RANBP17: variants seen among roughly 807,000 people sequenced by gnomAD.
The protein encoded by RANBP17 is ran-binding protein 17.
Under a neutral mutation model 141.2 loss-of-function variants are expected in RANBP17, and 158 were observed. The ratio of observed to expected loss-of-function variants is 1.12; its 90% CI spans 0.98 to 1.28. The LOEUF (loss-of-function observed/expected upper bound fraction) is 1.28. Ranked by LOEUF, RANBP17 falls within the 50% of genes most tolerant of loss-of-function variation. RANBP17 has a pLI of 0.00. For synonymous variants in RANBP17, 430 were observed against 450.0 expected (o/e 0.96, Z 0.56); for missense variants, 1,438 against 1,290.7 (o/e 1.11, Z -1.75).
At chr5:170,985,136 GACACACACAAATGCACACACAGACACAC>G (rs1561958456) in intron 14 of RANBP17, among the ~76,000 whole-genome samples, 2 of 149,768 alleles carry the variant, frequency 1.3e-5, no homozygotes, top group African/African-American at 4.9e-5. Flanking sequence ...CACAAACACA[GACACACACAAATGCACACACAGACACAC>G]ACACACACAT....
At chr5:170,876,696 G>C (rs1242089438) in intron 1 of RANBP17, among the ~76,000 whole-genome samples, 1 of 152,014 alleles carries the variant, frequency 6.6e-6, no homozygotes, top group Non-Finnish European at 1.5e-5. Context: ...GAGAGGAAGA[G>C]AGAAGTAAAA....
At chr5:171,292,693 A>G (rs1221068277) in intron 25 of RANBP17, among the ~76,000 whole-genome samples, 3 of 152,212 alleles carry the variant, frequency 2.0e-5, no homozygotes, top group Non-Finnish European at 4.4e-5. Context: ...AAAGAGTCCA[A>G]GAAGCAGAAA....
At chr5:171,027,934 A>G (rs893330382) in intron 14 of RANBP17, among the ~76,000 whole-genome samples, 1 of 152,026 alleles carries the variant, frequency 6.6e-6, no homozygotes, top group Non-Finnish European at 1.5e-5. Flanking sequence ...TACTTTATTA[A>G]AGTATCATCT....
chr5:171,284,029 A>G (rs924036824), intron 25 of RANBP17, among the ~76,000 whole-genome samples: 2 of 152,186 alleles, frequency 1.3e-5, no homozygotes, highest in South Asian at 2.1e-4. Flanking sequence ...TAATTGGGAA[A>G]TGTTTGGTGA....
Position 171,264,800 on chromosome 5 carries a change from G to T in RANBP17, c.2777-881G>T, listed in dbSNP as rs148207654. ...TAGGACTTGAAACCAGAACTGTCTGGCTCCAAAATCCATATCTTTCCCACC... is the reference window on the plus strand; with the variant it reads ...TAGGACTTGAAACCAGAACTGTCTGTCTCCAAAATCCATATCTTTCCCACC... On this transcript the variant is annotated intron_variant, in intron 24 of 27. Coordinates refer to ENST00000523189, the MANE Select transcript of RANBP17 (RefSeq NM_022897.5). Among the ~76,000 whole-genome samples, 15 of 152,272 alleles carry T rather than the reference G, an allele frequency of 9.9e-5. No individual in the cohort carries two copies. The East Asian group carries it at 2.5e-3, about 25-fold the overall frequency.
At chr5:171,186,521 ATTTTCTTTTTTTTT>A (rs1331671328) in intron 18 of RANBP17, among the ~76,000 whole-genome samples, 3 of 29,512 alleles carry the variant, frequency 1.0e-4, no homozygotes, top group Non-Finnish European at 2.3e-4. Flanking sequence ...CACTGGTATG[ATTTTCTTTTTTTTT>A]TTTTTTTTTT....
intron 14 of RANBP17, among the ~76,000 whole-genome samples, chr5:170,985,038 C>T (rs1450346858): frequency 1.2e-5 from 1 of 85,940 alleles, no homozygotes; most frequent in Non-Finnish European, 2.8e-5. Context: ...CACAGACACA[C>T]AGGCACACAC....
intron 1 of RANBP17, among the ~76,000 whole-genome samples, chr5:170,866,156 G>T (rs1034101509): frequency 1.3e-5 from 2 of 152,002 alleles, no homozygotes; most frequent in African/African-American, 4.8e-5. Flanking sequence ...CCAGCCCCCA[G>T]CCTACCACTA....
At chr5:170,884,518 T>A (rs1768983834) in intron 3 of RANBP17, among the ~76,000 whole-genome samples, 1 of 151,946 alleles carries the variant, frequency 6.6e-6, no homozygotes, top group Non-Finnish European at 1.5e-5. Context: ...ATCATAAAGA[T>A]CTTCATCCTC....
intron 12 of RANBP17, among the ~76,000 whole-genome samples, chr5:170,934,329 C>T (rs1178964113): frequency 6.6e-6 from 1 of 152,282 alleles, no homozygotes; most frequent in Non-Finnish European, 1.5e-5. Context: ...GATGGGTCTC[C>T]TGAATACAGC....
At chr5:170,936,921 C>G (rs1448183077) in intron 12 of RANBP17, among the ~76,000 whole-genome samples, 1 of 152,150 alleles carries the variant, frequency 6.6e-6, no homozygotes, top group Admixed American at 6.5e-5. Flanking sequence ...CTCTTGAAAT[C>G]TATCTTATCT....
intron 13 of RANBP17, among the ~76,000 whole-genome samples, chr5:170,964,106 T>C (rs557573056): frequency 6.6e-6 from 1 of 152,308 alleles, no homozygotes; most frequent in Admixed American, 6.5e-5. Context: ...TGTGTGTATA[T>C]AGACACTCTT....
chr5:170,980,713 A>G (rs1411017463), intron 14 of RANBP17, among the ~76,000 whole-genome samples: 1 of 152,236 alleles, frequency 6.6e-6, no homozygotes, highest in African/African-American at 2.4e-5. Flanking sequence ...ATGTCCAGGC[A>G]GAAGTTTGCT....
intron 25 of RANBP17, among the ~76,000 whole-genome samples, chr5:171,276,236 A>G (rs1767476707): frequency 6.6e-6 from 1 of 152,236 alleles, no homozygotes; most frequent in Non-Finnish European, 1.5e-5. Context: ...ATGACAGTAC[A>G]TCTTTTTGAA....
intron 22 of RANBP17, among the ~76,000 whole-genome samples, chr5:171,227,847 A>C (rs1763972046): frequency 6.6e-6 from 1 of 152,168 alleles, no homozygotes; most frequent in Non-Finnish European, 1.5e-5. Context: ...TGTGCTCTAG[A>C]AGTATAGCAA....
At chr5:170,874,484 C>G (rs1282939405) in intron 1 of RANBP17, among the ~76,000 whole-genome samples, 1 of 152,064 alleles carries the variant, frequency 6.6e-6, no homozygotes, top group South Asian at 2.1e-4. Context: ...GTAGGTCTCT[C>G]GGAACTCATT....
chr5:171,142,435 A>G (rs1246350370), intron 14 of RANBP17, among the ~76,000 whole-genome samples: 4 of 152,212 alleles, frequency 2.6e-5, no homozygotes, highest in African/African-American at 9.6e-5. Flanking sequence ...CCAGGCTATT[A>G]TTGCTGTTGG....
chr5:171,245,224 G>GT (rs1765141559), intron 24 of RANBP17, among the ~76,000 whole-genome samples: 1 of 152,088 alleles, frequency 6.6e-6, no homozygotes. Context: ...TATGGGTCAT[G>GT]TTTTTTTCAT....
At chr5:171,064,683 A>G (rs568430116) in intron 14 of RANBP17, among the ~76,000 whole-genome samples, 391 of 151,974 alleles carry the variant, frequency 2.6e-3, no homozygotes, top group Non-Finnish European at 4.2e-3. Context: ...TGCCCAGCTA[A>G]TTTTTGTATT....
Sources: gnomAD v4.1 joint callset for allele counts (sites outside exome capture counted in the v4.1 genomes callset) on GRCh38, gnomAD v4.1.1 for gene constraint, MANE v1.5 for transcripts, NCBI Gene and HGNC (gene_info 2026-07-23, HGNC 2026-07-21) for gene names.